Variants in TMEM117 observed in about 807,000 individuals in gnomAD.
TMEM117 encodes the protein transmembrane protein 117.
TMEM117 carries 27 observed loss-of-function variants against 52.4 expected under a neutral mutation model. The ratio of observed to expected loss-of-function variants is 0.51; its 90% CI spans 0.38 to 0.71. The LOEUF (loss-of-function observed/expected upper bound fraction) is 0.71. Among genes scored for constraint, TMEM117 ranks in the 30% least tolerant of loss-of-function variants. The probability of loss-of-function intolerance (pLI) is 0.00; values close to 1 mark genes in which losing one functional copy is unlikely to be tolerated. For synonymous variants in TMEM117, 215 were observed against 206.3 expected (o/e 1.04, Z -0.36); for missense variants, 556 against 630.5 (o/e 0.88, Z 1.26).
chr12:44,042,930 G>T (rs1389632834), intron 3 of TMEM117, among the ~76,000 whole-genome samples: 2 of 152,066 alleles, frequency 1.3e-5, no homozygotes, highest in African/African-American at 2.4e-5. Context: ...TCTGGAGTTG[G>T]CTTCTTAATA....
intron 3 of TMEM117, among the ~76,000 whole-genome samples, chr12:44,033,529 G>A (rs942609691): frequency 3.3e-5 from 5 of 152,122 alleles, no homozygotes; most frequent in African/African-American, 9.7e-5. Flanking sequence ...CCTTGATAGA[G>A]TCATAATATG....
intron 2 of TMEM117, among the ~76,000 whole-genome samples, chr12:43,930,233 GT>G (rs200741459): frequency 6.6e-6 from 1 of 151,738 alleles, no homozygotes; most frequent in Admixed American, 6.6e-5. Flanking sequence ...TTTATGCTTA[GT>G]TTTTTTTGCT....
chr12:43,844,600 C>G, intron 1 of TMEM117, 24 bp from the exon 2 acceptor site: 1 of 1,569,444 alleles, frequency 6.4e-7, no homozygotes, highest in Non-Finnish European at 8.6e-7. Flanking sequence ...CCTCCTCTAA[C>G]CCTATCTATC....
chr12:44,009,827 C>T, intron 3 of TMEM117: 1 of 274,688 alleles, frequency 3.6e-6, no homozygotes, highest in Non-Finnish European at 7.7e-6. Context: ...GCACCCAGTT[C>T]TGGGTATCCT....
intron 5 of TMEM117, among the ~76,000 whole-genome samples, chr12:44,262,996 A>AT (rs1042349222): frequency 6.6e-6 from 1 of 152,128 alleles, no homozygotes; most frequent in Non-Finnish European, 1.5e-5. Context: ...TCTGTGCTCT[A>AT]TTTTTTATGC....
In TMEM117 at chr12:43,885,094, C is replaced by T. The variant is rs570573208; in HGVS notation, c.277+40166C>T. On this transcript the variant is annotated intron_variant, in intron 2 of 7. Transcript: ENST00000266534. ...ATACAGGCCCCAGATAGTCGCTACC[C>T]GAGACACCTATCCCATCCCATTTAT... 2.3e-4 allele frequency among the ~76,000 whole-genome samples: 35 copies of T among 152,288 alleles called. 2 individuals carry two copies. In the South Asian group the frequency reaches 6.0e-3, roughly 26 times the overall value.
rs1565701630 is a variant in TMEM117 at position 44,311,831 on chromosome 12, GTATATATGTATATATATGTATATATGTA to G, written c.768+12130_768+12157del. ...TATATATGTATATATATGTATATAT[GTATATATGTATATATATGTATATATGTA>G]TATATATGTATATATATGTATATAT... is the stretch of plus-strand genomic sequence containing the variant. On this transcript the variant is annotated intron_variant, in intron 6 of 7. Coordinates refer to ENST00000266534, the MANE Select transcript of TMEM117 (RefSeq NM_032256.3). 6.5e-4 allele frequency among the ~76,000 whole-genome samples: 16 copies of G among 24,788 alleles called. No homozygotes were observed. In the South Asian group the frequency reaches 0.023, roughly 35 times the overall value. 16.3% of individuals were successfully genotyped at this position (24,788 alleles called of 152,430 possible).
chr12:44,185,213 G>T (rs1949260646), intron 4 of TMEM117, among the ~76,000 whole-genome samples: 1 of 152,130 alleles, frequency 6.6e-6, no homozygotes, highest in East Asian at 1.9e-4. Context: ...TGCATTATCA[G>T]TGACTTTTCT....
intron 4 of TMEM117, among the ~76,000 whole-genome samples, chr12:44,157,883 G>C (rs558907244): frequency 1.3e-5 from 2 of 152,158 alleles, no homozygotes; most frequent in East Asian, 1.9e-4. Flanking sequence ...ACTCAAAGTA[G>C]ACAATTTGAG....
chr12:44,298,428 C>A (rs557045731), intron 5 of TMEM117, among the ~76,000 whole-genome samples: 1 of 117,358 alleles, frequency 8.5e-6, no homozygotes, highest in South Asian at 2.5e-4. Flanking sequence ...TTTTTTTTTT[C>A]TTCTTATAAT....
chr12:44,210,003 C>T (rs1302980526), intron 4 of TMEM117, among the ~76,000 whole-genome samples: 1 of 152,078 alleles, frequency 6.6e-6, no homozygotes, highest in African/African-American at 2.4e-5. Context: ...GATTAAATTT[C>T]ACCCATTTCA....
At chr12:44,146,129 C>A (rs1213321317) in intron 4 of TMEM117, among the ~76,000 whole-genome samples, 1 of 152,102 alleles carries the variant, frequency 6.6e-6, no homozygotes, top group Non-Finnish European at 1.5e-5. Context: ...TGACCAAAGA[C>A]CTTTAACCCT....
chr12:43,937,338 A>C (rs1210664071), intron 2 of TMEM117, among the ~76,000 whole-genome samples: 2 of 152,304 alleles, frequency 1.3e-5, no homozygotes, highest in African/African-American at 4.8e-5. Flanking sequence ...GCATTGATGC[A>C]TTAATGTGCA....
At chr12:43,886,804 G>T (rs1944002510) in intron 2 of TMEM117, among the ~76,000 whole-genome samples, 1 of 151,978 alleles carries the variant, frequency 6.6e-6, no homozygotes, top group Non-Finnish European at 1.5e-5. Flanking sequence ...CCCCAGAAAG[G>T]CCCCAGTGTG....
chr12:44,078,419 A>G lies in TMEM117; in HGVS notation c.411-65106A>G, dbSNP rs528949438. Among the ~76,000 whole-genome samples the G allele has an allele frequency of 2.0e-4, 30 of 152,314 alleles. No homozygotes were observed. The South Asian group carries it at 6.0e-3, about 30-fold the overall frequency. ...ACGTTCTAGGAAAGTGGCTGTCCCC[A>G]GCTGGATACAGCATTTCGACAGCAT... On this transcript the variant is annotated intron_variant, in intron 3 of 7. Transcript: ENST00000266534.
At chr12:43,970,261 T>C (rs1945559663) in intron 3 of TMEM117, among the ~76,000 whole-genome samples, 1 of 151,096 alleles carries the variant, frequency 6.6e-6, no homozygotes, top group South Asian at 2.1e-4. Flanking sequence ...CCTGTTGTTA[T>C]AATTGCTCTC....
At chr12:43,986,174 A>G (rs1192535515) in intron 3 of TMEM117, among the ~76,000 whole-genome samples, 2 of 152,144 alleles carry the variant, frequency 1.3e-5, no homozygotes, top group Non-Finnish European at 2.9e-5. Context: ...ATGTGTTTTA[A>G]TTAATTTTTT....
chr12:44,117,476 C>T (rs1421470579), intron 3 of TMEM117, among the ~76,000 whole-genome samples: 2 of 152,042 alleles, frequency 1.3e-5, no homozygotes, highest in Non-Finnish European at 2.9e-5. Context: ...TTGGTCTTGT[C>T]CCCAGAGTCT....
At chr12:43,831,834 T>G (rs1232681444), upstream of TMEM117, among the ~76,000 whole-genome samples, 2 of 152,138 alleles carry the variant, frequency 1.3e-5, no homozygotes, top group African/African-American at 2.4e-5. Context: ...TGAGCCACCG[T>G]GCCCGGCCTT....
Sources: allele counts gnomAD v4.1 joint callset (sites outside exome capture counted in the v4.1 genomes callset), GRCh38; gene constraint gnomAD v4.1.1; transcripts MANE v1.5; gene names NCBI Gene and HGNC (gene_info 2026-07-23, HGNC 2026-07-21).